Variants in GLDC observed in about 807,000 individuals in gnomAD.
The protein encoded by GLDC is glycine decarboxylase, also known as glycine dehydrogenase (decarboxylating), mitochondrial.
Under a neutral mutation model 121.3 loss-of-function variants are expected in GLDC, and 104 were observed. The observed-to-expected ratio is 0.86, with a 90% confidence interval of 0.73 to 1.01. The LOEUF is 1.01. GLDC is among the 50% of genes least tolerant of loss of function. The pLI is 0.00. For synonymous variants in GLDC, 546 were observed against 480.6 expected (o/e 1.14, Z -1.78); for missense variants, 1,429 against 1,306.6 (o/e 1.09, Z -1.44).
intron 2 of GLDC, among the ~76,000 whole-genome samples, chr9:6,630,279 T>A (rs1230910465): frequency 6.6e-6 from 1 of 151,560 alleles, no homozygotes; most frequent in Non-Finnish European, 1.5e-5. Flanking sequence ...AGAAAAAAAA[T>A]AAATAAATAA....
intron 6 of GLDC, 130 bp downstream of exon 6, chr9:6,605,001 G>A (rs1818700757): frequency 1.8e-5 from 19 of 1,036,842 alleles, no homozygotes; most frequent in Non-Finnish European, 2.7e-5. Flanking sequence ...AGTCAGGAAG[G>A]AGAGTTTTAC....
Position 6,600,275 on chromosome 9 carries a change from G to A in GLDC, c.1155+1834C>T, listed in dbSNP as rs534725010. ...CCCAGCTACTTAGGAGGCTGAGACCGGAGAATAATTTGAGCCCTGGAGGTT... is the reference window on the plus strand; with the variant it reads ...CCCAGCTACTTAGGAGGCTGAGACCAGAGAATAATTTGAGCCCTGGAGGTT... On this transcript the variant is annotated intron_variant, in intron 8 of 24. Coordinates refer to ENST00000321612, the MANE Select transcript of GLDC (RefSeq NM_000170.3). 2.0e-5 allele frequency among the ~76,000 whole-genome samples: 3 copies of A among 151,946 alleles called. 1 individual carries two copies. The highest frequency in any genetic ancestry group is 4.2e-4 in the South Asian group (2 of 4,792).
chr9:6,639,094 A>G (rs548312342), intron 2 of GLDC: 1 of 700,890 alleles, frequency 1.4e-6, no homozygotes, highest in South Asian at 1.5e-5. Context: ...GTGACAGTCC[A>G]ATCTGCCTAT....
intron 24 of GLDC, chr9:6,534,272 G>A (rs780252747): frequency 5.4e-6 from 1 of 184,970 alleles, no homozygotes; most frequent in Non-Finnish European, 1.1e-5. Context: ...TTCTCATTAT[G>A]TTTTTATACT....
intron 4 of GLDC, among the ~76,000 whole-genome samples, chr9:6,609,152 G>T (rs1270671632): frequency 6.6e-6 from 1 of 152,152 alleles, no homozygotes; most frequent in Non-Finnish European, 1.5e-5. Flanking sequence ...CACCAGGAAG[G>T]TACACTCCTA....
intron 22 of GLDC, among the ~76,000 whole-genome samples, chr9:6,537,105 A>C (rs1309712662): frequency 6.7e-6 from 1 of 148,466 alleles, no homozygotes; most frequent in Admixed American, 6.9e-5. Context: ...CTCACGGCTC[A>C]CTGCAGCCTC....
chr9:6,594,843 G>C (rs373943655), intron 9 of GLDC, among the ~76,000 whole-genome samples, 171 bp downstream of exon 9: 2 of 140,852 alleles, frequency 1.4e-5, no homozygotes, highest in Non-Finnish European at 3.2e-5. Flanking sequence ...AAAAGAAAGA[G>C]AAAGAAAGAA....
intron 15 of GLDC, among the ~76,000 whole-genome samples, chr9:6,575,908 A>G (rs1818055577): frequency 1.3e-5 from 2 of 152,222 alleles, no homozygotes; most frequent in African/African-American, 4.8e-5. Context: ...TGGGAAATGA[A>G]AAGGTAATTA....
At position 6,587,538 on chromosome 9, in the gene GLDC, G is replaced by A. The variant is rs3739652; in HGVS notation, c.1708-255C>T. ...TACAATGTTTTGCTAACTTTTCAGG[G>A]AAGAAAAGCCCCCAAAACAGATTTC... On this transcript the variant is annotated intron_variant, in intron 14 of 24. Coordinates refer to ENST00000321612, the MANE Select transcript of GLDC (RefSeq NM_000170.3). Among the ~76,000 whole-genome samples the A allele has an allele frequency of 2.3e-4, 35 of 152,320 alleles. No homozygotes were observed. In the East Asian group the frequency reaches 5.0e-3, roughly 22 times the overall value.
chr9:6,618,046 A>T (rs1297462942), intron 3 of GLDC, among the ~76,000 whole-genome samples: 2 of 152,252 alleles, frequency 1.3e-5, no homozygotes, highest in Admixed American at 1.3e-4. Flanking sequence ...GCTAGAAATT[A>T]AAGTTACCTC....
intron 15 of GLDC, among the ~76,000 whole-genome samples, chr9:6,584,543 G>C (rs113264551): frequency 7.4e-4 from 113 of 151,700 alleles, no homozygotes; most frequent in African/African-American, 2.6e-3. Flanking sequence ...ATTGAAACAA[G>C]GTTAAAAAAA....
At chr9:6,593,104 G>C (rs1191556635) in intron 9 of GLDC, 114 bp from the exon 10 acceptor site, 5 of 1,113,298 alleles carry the variant, frequency 4.5e-6, no homozygotes, top group South Asian at 1.3e-5. Context: ...TGGTCCTGGG[G>C]AGTGCTTTGG....
rs373173132 is a variant in GLDC at position 6,639,291 on chromosome 9, G to A, written c.334+5323C>T. ...CATCACCCACCTTCCGGCGGTCCAA[G>A]ACCCTGCGACTCCAGAGACAGCCCA... On this transcript the variant is annotated intron_variant, in intron 2 of 24. Coordinates refer to ENST00000321612, the MANE Select transcript of GLDC (RefSeq NM_000170.3). The A allele has an allele frequency of 2.2e-4, 202 of 924,884 alleles. 1 individual carries two copies. In the African/African-American group the frequency reaches 2.7e-3, roughly 12 times the overall value. 57.3% of individuals were successfully genotyped at this position (924,884 alleles called of 1,614,324 possible). A position where few individuals can be genotyped will look rare whatever the true frequency, so the allele number is the denominator to read the frequency against.
chr9:6,575,597 T>C (rs1818050148), intron 15 of GLDC, among the ~76,000 whole-genome samples: 1 of 152,214 alleles, frequency 6.6e-6, no homozygotes, highest in African/African-American at 2.4e-5. Context: ...AATCTTCCCA[T>C]GAAGGAGATT....
rs186923264 is a variant in GLDC at position 6,534,073 on chromosome 9, A to G, written c.2919+635T>C. 3.9e-3 allele frequency: 578 copies of G among 149,672 alleles called. 2 individuals carry two copies. The highest frequency in any genetic ancestry group is 6.9e-3 in the Middle Eastern group (2 of 288). The allele number at this position is 149,672 out of a possible 1,614,324, so 9.3% of individuals were successfully genotyped here. On this transcript the variant is annotated intron_variant, in intron 24 of 24. Transcript: ENST00000321612. ...TAAAAATACAAAAAATTACCCGGGC[A>G]TGGTGGCAGGCGCCTGTAGTCCCAG...
intron 16 of GLDC, among the ~76,000 whole-genome samples, chr9:6,563,777 T>G (rs564282140): frequency 6.6e-6 from 1 of 152,180 alleles, no homozygotes; most frequent in Non-Finnish European, 1.5e-5. Flanking sequence ...TGGCAAGCAG[T>G]CCTTGACCAG....
chr9:6,534,757 G>C lies in GLDC; in HGVS notation c.2870C>G (p.Ser957Cys). Residue 957 changes from serine to cysteine, a missense_variant, in exon 24 of 25, where the codon TCT becomes TGT. Transcript: ENST00000321612. ...MSPHSLTCVT[S>C]SHWDRPYSRE... ...GGAATAAGGCCGGTCCCAGTGGGAA[G>C]ATGTAACGCAGGTCAGGGAGTGTGG... 1 of 1,607,420 alleles carries C rather than the reference G, an allele frequency of 6.2e-7. No individual in the cohort carries two copies. The highest frequency in any genetic ancestry group is 8.5e-7 in the Non-Finnish European group (1 of 1,173,918).
Position 6,605,161 on chromosome 9 carries a change from C to G in GLDC, c.831G>C (p.Thr277=), listed in dbSNP as rs369824891. The G allele has an allele frequency of 2.5e-6, 4 of 1,613,120 alleles. No individual in the cohort carries two copies. In the South Asian group the frequency reaches 3.3e-5, roughly 13 times the overall value. The change falls in exon 6 of 25, where the codon ACG becomes ACC. Residue 277 remains threonine (T), a synonymous_variant. Transcript: ENST00000321612. ...TCTGATGAGCTCTCTCCACGAGTTCCGTAAAGTCTTCCACCTTCCCCTCCG... is the reference window on the plus strand; with the variant it reads ...TCTGATGAGCTCTCTCCACGAGTTCGGTAAAGTCTTCCACCTTCCCCTCCG... ...PDTEGKVEDF[T]ELVERAHQSG...
intron 3 of GLDC, among the ~76,000 whole-genome samples, chr9:6,614,692 A>G (rs150871013): frequency 1.3e-5 from 2 of 152,168 alleles, no homozygotes; most frequent in African/African-American, 4.8e-5. Context: ...CCAAGCCTTA[A>G]TCTTATTAAT....
Sources: allele counts gnomAD v4.1 joint callset (sites outside exome capture counted in the v4.1 genomes callset), GRCh38; gene constraint gnomAD v4.1.1; transcripts MANE v1.5; gene names NCBI Gene and HGNC (gene_info 2026-07-23, HGNC 2026-07-21).